The following PPP1R12A variants were observed in gnomAD, a reference collection of about 807,000 sequenced individuals.
PPP1R12A encodes protein phosphatase 1 regulatory subunit 12A, also known as myosin binding subunit.
A neutral mutation model predicts 139.6 loss-of-function variants in PPP1R12A; 19 were observed. That is an observed-to-expected ratio of 0.14 (90% CI 0.09 to 0.20). PPP1R12A has a LOEUF of 0.20. Among genes scored for constraint, PPP1R12A ranks in the 10% least tolerant of loss-of-function variants. PPP1R12A has a pLI of 1.00. For missense variants in PPP1R12A, 925 were observed against 1,211.5 expected, an observed-to-expected ratio of 0.76 and a Z score of 3.51; for synonymous variants, 427 against 420.6, an observed-to-expected ratio of 1.02 and a Z score of -0.19.
chr12:79,777,421 A>AT, intron 24 of PPP1R12A: 2 of 984,866 alleles, frequency 2.0e-6, no homozygotes, highest in Non-Finnish European at 2.4e-6. Context: ...TCCAGACACA[A>AT]TGGCATTAAT....
intron 17 of PPP1R12A, 142 bp from the exon 18 acceptor site, chr12:79,795,901 G>T: frequency 1.4e-6 from 1 of 689,982 alleles, no homozygotes; most frequent in Non-Finnish European, 2.2e-6. Flanking sequence ...CTTAGCTCCA[G>T]CCAATTGTTG....
chr12:79,922,788 A>T (rs146593024), intron 1 of PPP1R12A, among the ~76,000 whole-genome samples: 181 of 152,350 alleles, frequency 1.2e-3, no homozygotes, highest in Admixed American at 4.1e-3. Flanking sequence ...CTACCATAGC[A>T]TAAGTATACC....
intron 1 of PPP1R12A, among the ~76,000 whole-genome samples, chr12:79,918,797 T>C (rs1044710684): frequency 5.3e-5 from 8 of 152,158 alleles, no homozygotes; most frequent in African/African-American, 1.9e-4. Flanking sequence ...AAAAGAAAAA[T>C]TGGTTGTCCA....
At position 79,876,833 on chromosome 12, in the gene PPP1R12A, A is replaced by C. The variant is rs538914293; in HGVS notation, c.238-3895T>G. Among the ~76,000 whole-genome samples, 34 of 152,216 alleles carry C rather than the reference A, an allele frequency of 2.2e-4. No individual in the cohort carries two copies. In the East Asian group the frequency reaches 3.5e-3, roughly 16 times the overall value. On this transcript the variant is annotated intron_variant, in intron 1 of 24. Transcript: ENST00000450142. ...AAGACCATCCTGGGAAACATGGTGAAACCCTGTCTCTACTAAAAATACAAA... is the reference window on the plus strand; with the variant it reads ...AAGACCATCCTGGGAAACATGGTGACACCCTGTCTCTACTAAAAATACAAA...
intron 2 of PPP1R12A, among the ~76,000 whole-genome samples, chr12:79,859,824 G>A: frequency 6.6e-6 from 1 of 152,204 alleles, no homozygotes; most frequent in East Asian, 1.9e-4. Flanking sequence ...TGAGGCAGGA[G>A]GATTGCTTAA....
At chr12:79,809,736 T>C in intron 10 of PPP1R12A, 59 bp downstream of exon 10, 1 of 1,347,136 alleles carries the variant, frequency 7.4e-7, no homozygotes, top group Non-Finnish European at 1.0e-6. Flanking sequence ...CCAGATTTGA[T>C]GTTCCTGGAA....
At chr12:79,894,272 A>C (rs1374100559) in intron 1 of PPP1R12A, among the ~76,000 whole-genome samples, 8 of 152,208 alleles carry the variant, frequency 5.3e-5, no homozygotes, top group African/African-American at 1.9e-4. Context: ...CAACGCACAG[A>C]AGGTTCTTAG....
intron 22 of PPP1R12A, among the ~76,000 whole-genome samples, chr12:79,783,569 C>G (rs1337994673): frequency 1.3e-5 from 2 of 151,860 alleles, no homozygotes; most frequent in Non-Finnish European, 2.9e-5. Flanking sequence ...AAATATAAAA[C>G]AAAGGCTGAT....
intron 1 of PPP1R12A, among the ~76,000 whole-genome samples, chr12:79,916,918 C>G (rs1248122646): frequency 6.7e-6 from 1 of 149,174 alleles, no homozygotes; most frequent in Non-Finnish European, 1.5e-5. Flanking sequence ...TTTTTTTCTG[C>G]TTGTTGTAAA....
chr12:79,796,442 A>G (rs1235486213), intron 17 of PPP1R12A, among the ~76,000 whole-genome samples: 1 of 152,158 alleles, frequency 6.6e-6, no homozygotes, highest in Non-Finnish European at 1.5e-5. Context: ...TATGATCTAC[A>G]CAGTAGGCAA....
At chr12:79,918,053 A>G (rs1192831090) in intron 1 of PPP1R12A, among the ~76,000 whole-genome samples, 1 of 152,180 alleles carries the variant, frequency 6.6e-6, no homozygotes, top group Non-Finnish European at 1.5e-5. Context: ...TAATATCATA[A>G]AAGTAAATTT....
intron 1 of PPP1R12A, among the ~76,000 whole-genome samples, chr12:79,919,694 C>T (rs138811004): frequency 6.6e-6 from 1 of 152,046 alleles, no homozygotes; most frequent in Admixed American, 6.6e-5. Context: ...TCTATACACT[C>T]CAGTAGACTA....
At position 79,934,878 on chromosome 12, in the gene PPP1R12A, G is replaced by C; in HGVS notation, c.54C>G (p.Ile18Met). The C allele has an allele frequency of 6.2e-7, 1 of 1,610,358 alleles. No homozygotes were observed. Among genetic ancestry groups the C allele is most frequent in the Non-Finnish European group, 8.5e-7 (1 of 1,178,428 alleles). ...QKRNEQLKRW[I>M]GSETDLEPPV... ...GAGGCTCGAGGTCCGTCTCGGAGCC[G>C]ATCCAGCGTTTCAGCTGCTCGTTCC... The change falls in exon 1 of 25, where the codon ATC (isoleucine) becomes ATG (methionine). Residue 18 changes from isoleucine to methionine, a missense_variant. Ile to Met is a conservative substitution (Grantham distance 10). This residue lies in a region of PPP1R12A where 199 missense variants were observed against 352.4 expected (regional missense o/e 0.56). Transcript: ENST00000450142.
chr12:79,806,140 G>C, intron 13 of PPP1R12A, 26 bp downstream of exon 13: 1 of 1,610,632 alleles, frequency 6.2e-7, no homozygotes, highest in South Asian at 1.1e-5. Context: ...CAGTAGACCT[G>C]AGCACAAAAT....
At chr12:79,791,599 C>T (rs145286626) in intron 19 of PPP1R12A, among the ~76,000 whole-genome samples, 1 of 152,088 alleles carries the variant, frequency 6.6e-6, no homozygotes, top group Non-Finnish European at 1.5e-5. Context: ...GAGTGTTGGG[C>T]TTATAGGTGT....
Position 79,797,514 on chromosome 12 carries a change from A to G in PPP1R12A, c.2092-119T>C, listed in dbSNP as rs1872624658. On this transcript the variant is annotated intron_variant, in intron 15 of 24. Coordinates refer to ENST00000450142, the MANE Select transcript of PPP1R12A (RefSeq NM_002480.3). ...TAAAAGTCAAATATGCATGTTTAAA[A>G]TTGGTTTGCAAATGGAAACAGCAAG... 6 of 1,008,600 alleles carry G rather than the reference A, an allele frequency of 5.9e-6. No homozygotes were observed. In the East Asian group the frequency reaches 1.6e-4, roughly 26 times the overall value. The allele number at this position is 1,008,600 out of a possible 1,614,324, so 62.5% of individuals were successfully genotyped here. A position where few individuals can be genotyped will look rare whatever the true frequency, so the allele number is the denominator to read the frequency against.
chr12:79,832,484 A>G lies in PPP1R12A; in HGVS notation c.495T>C (p.Asp165=). 1 of 1,598,686 alleles carries G rather than the reference A, an allele frequency of 6.3e-7. No individual in the cohort carries two copies. Among genetic ancestry groups the G allele is most frequent in the East Asian group, 2.2e-5 (1 of 44,492 alleles). The change falls in exon 4 of 25, where the codon GAT becomes GAC. Residue 165 remains aspartate (D), a synonymous_variant. Coordinates refer to ENST00000450142, the MANE Select transcript of PPP1R12A (RefSeq NM_002480.3). The part of the protein sequence containing the change: ...LQNEVNRQGV[D]IEAARKEEER... Reference sequence around the variant, plus strand: ...CTTCTTCCTTTCGAGCTGCTTCTATATCAACCCCTGATAAAATAAAAATAG... The same window carrying G: ...CTTCTTCCTTTCGAGCTGCTTCTATGTCAACCCCTGATAAAATAAAAATAG...
intron 23 of PPP1R12A, 39 bp downstream of exon 23, chr12:79,781,776 G>GA: frequency 1.5e-6 from 2 of 1,290,620 alleles, no homozygotes; most frequent in African/African-American, 1.5e-5. Flanking sequence ...CCTAAAACAA[G>GA]AAAGAAAAAA....
At chr12:79,797,924 G>A (rs1872672807) in intron 15 of PPP1R12A, among the ~76,000 whole-genome samples, 1 of 152,150 alleles carries the variant, frequency 6.6e-6, no homozygotes, top group Non-Finnish European at 1.5e-5. Context: ...CTGGACTGTG[G>A]AGCTTCTTAA....
Sources: allele counts gnomAD v4.1 joint callset (sites outside exome capture counted in the v4.1 genomes callset), GRCh38; gene constraint gnomAD v4.1.1; regional missense constraint gnomAD v4.1.1; transcripts MANE v1.5; gene names NCBI Gene and HGNC (gene_info 2026-07-23, HGNC 2026-07-21).